Variants in VPS41 observed in about 807,000 individuals in gnomAD.
VPS41 encodes VPS41 subunit of HOPS complex, also known as vacuolar protein sorting-associated protein 41 homolog.
VPS41 carries 85 observed loss-of-function variants against 130.9 expected under a neutral mutation model. That is an observed-to-expected ratio of 0.65 (90% CI 0.55 to 0.78). The LOEUF (loss-of-function observed/expected upper bound fraction) is 0.78, where lower values mean the gene tolerates loss of function less well. Among genes scored for constraint, VPS41 ranks in the 30% least tolerant of loss-of-function variants. VPS41 has a pLI of 0.00. For synonymous variants in VPS41, 335 were observed against 332.9 expected (o/e 1.01, Z -0.07); for missense variants, 874 against 1,018.7 (o/e 0.86, Z 1.93).
intron 2 of VPS41, among the ~76,000 whole-genome samples, chr7:38,893,449 T>G (rs987353125): frequency 6.6e-6 from 1 of 152,254 alleles, no homozygotes; most frequent in East Asian, 1.9e-4. Flanking sequence ...CAATCATCCC[T>G]AAGTATTGAA....
At chr7:38,788,739 G>A (rs1784483253) in intron 10 of VPS41, among the ~76,000 whole-genome samples, 1 of 151,894 alleles carries the variant, frequency 6.6e-6, no homozygotes, top group Non-Finnish European at 1.5e-5. Flanking sequence ...TATACCTACT[G>A]TCCATACACT....
Position 38,726,036 on chromosome 7 carries a change from C to A in VPS41, c.*210G>T. Reference sequence around the variant, plus strand: ...AAATAACAAAATATTCACTATGGACCCCAAAATTTCAAGGCATGAAGAGAG... The same window carrying A: ...AAATAACAAAATATTCACTATGGACACCAAAATTTCAAGGCATGAAGAGAG... On this transcript the variant is annotated 3_prime_UTR_variant, in exon 29 of 29. Transcript: ENST00000310301. 1 of 520,332 alleles carries A rather than the reference C, an allele frequency of 1.9e-6. No individual in the cohort carries two copies. The highest frequency in any genetic ancestry group is 3.0e-5 in the South Asian group (1 of 32,890). The allele number at this position is 520,332 out of a possible 1,614,324, so 32.2% of individuals were successfully genotyped here. A position where few individuals can be genotyped will look rare whatever the true frequency, so the allele number is the denominator to read the frequency against.
At chr7:38,902,176 A>C (rs1787160004) in intron 1 of VPS41, among the ~76,000 whole-genome samples, 1 of 152,178 alleles carries the variant, frequency 6.6e-6, no homozygotes, top group Non-Finnish European at 1.5e-5. Flanking sequence ...CATCAGGATT[A>C]TCTTCCCAAA....
At chr7:38,858,177 G>A (rs1786026319) in intron 4 of VPS41, among the ~76,000 whole-genome samples, 1 of 152,194 alleles carries the variant, frequency 6.6e-6, no homozygotes, top group East Asian at 1.9e-4. Context: ...ATTCTCTACA[G>A]AATGTAAATT....
Position 38,803,817 on chromosome 7 carries a change from G to A in VPS41, c.451-6953C>T, listed in dbSNP as rs186957441. ...ATGAATGACCAGGAACCCATATGGA[G>A]CAGGTAAGTGTCTTTGTTTTGCTTC... On this transcript the variant is annotated intron_variant, in intron 7 of 28. Coordinates refer to ENST00000310301, the MANE Select transcript of VPS41 (RefSeq NM_014396.4). Among the ~76,000 whole-genome samples the A allele has an allele frequency of 3.7e-3, 567 of 152,338 alleles. 2 individuals are homozygous for A. The highest frequency in any genetic ancestry group is 6.6e-3 in the Non-Finnish European group (451 of 68,030).
chr7:38,830,198 C>T (rs964066494), intron 5 of VPS41, 56 bp downstream of exon 5: 13 of 1,120,110 alleles, frequency 1.2e-5, no homozygotes, highest in South Asian at 4.9e-5. Context: ...GGTGCTGTTC[C>T]GATCACCTGG....
chr7:38,880,705 A>G lies in VPS41; in HGVS notation c.61-11452T>C, dbSNP rs552169450. On this transcript the variant is annotated intron_variant, in intron 2 of 28. Coordinates refer to ENST00000310301, the MANE Select transcript of VPS41 (RefSeq NM_014396.4). ...ATGCCTGTGAATCTCTGTATTTAAA[A>G]ACGGCTGCACTGAAACTGAAATAGC... 2.0e-5 allele frequency among the ~76,000 whole-genome samples: 3 copies of G among 152,308 alleles called. No homozygotes were observed. In the East Asian group the frequency reaches 5.8e-4, roughly 29 times the overall value.
intron 25 of VPS41, among the ~76,000 whole-genome samples, chr7:38,737,265 A>C (rs1391305420): frequency 6.6e-6 from 1 of 152,020 alleles, no homozygotes; most frequent in Non-Finnish European, 1.5e-5. Flanking sequence ...CCAGCTACTC[A>C]GGAGGCTGAT....
At chr7:38,902,026 T>C (rs940109590) in intron 1 of VPS41, among the ~76,000 whole-genome samples, 7 of 152,182 alleles carry the variant, frequency 4.6e-5, no homozygotes, top group African/African-American at 1.2e-4. Flanking sequence ...GGGTAACGGA[T>C]TGACAGTTAA....
chr7:38,804,549 C>T (rs1453657452), intron 7 of VPS41, among the ~76,000 whole-genome samples: 1 of 152,204 alleles, frequency 6.6e-6, no homozygotes, highest in Non-Finnish European at 1.5e-5. Flanking sequence ...ACTGTATCAA[C>T]ATAAGGTAAC....
chr7:38,810,547 T>G (rs1784923965), intron 7 of VPS41, among the ~76,000 whole-genome samples: 1 of 152,206 alleles, frequency 6.6e-6, no homozygotes, highest in Admixed American at 6.5e-5. Context: ...CCTCTATTTT[T>G]CTACTTAGTT....
intron 1 of VPS41, among the ~76,000 whole-genome samples, chr7:38,904,244 T>C (rs1787206471): frequency 1.3e-5 from 2 of 152,188 alleles, no homozygotes; most frequent in Admixed American, 1.3e-4. Flanking sequence ...GGTGTTAATG[T>C]GGGCGCGGCG....
At chr7:38,900,337 T>C (rs1787113914) in intron 1 of VPS41, among the ~76,000 whole-genome samples, 1 of 152,160 alleles carries the variant, frequency 6.6e-6, no homozygotes, top group South Asian at 2.1e-4. Flanking sequence ...TTCTTACTTA[T>C]AAGTAGAAGC....
At chr7:38,743,215 A>G (rs1324473616) in intron 24 of VPS41, among the ~76,000 whole-genome samples, 187 bp downstream of exon 24, 1 of 152,218 alleles carries the variant, frequency 6.6e-6, no homozygotes, top group Non-Finnish European at 1.5e-5. Context: ...ATGCAAAGTG[A>G]TGAGGCTCCA....
intron 7 of VPS41, among the ~76,000 whole-genome samples, chr7:38,808,446 A>G (rs1784880307): frequency 6.6e-6 from 1 of 152,216 alleles, no homozygotes; most frequent in Non-Finnish European, 1.5e-5. Context: ...CATTGATGAC[A>G]GCATGAAATA....
At chr7:38,810,771 A>G (rs977181844) in intron 7 of VPS41, among the ~76,000 whole-genome samples, 1 of 152,170 alleles carries the variant, frequency 6.6e-6, no homozygotes, top group African/African-American at 2.4e-5. Flanking sequence ...CAGTTATCTG[A>G]CATATGTCTT....
Position 38,805,736 on chromosome 7 carries a change from T to C in VPS41, c.451-8872A>G, listed in dbSNP as rs534977761. Among the ~76,000 whole-genome samples, 78 of 152,306 alleles carry C rather than the reference T, an allele frequency of 5.1e-4. 1 individual carries two copies. In the South Asian group the frequency reaches 0.015, roughly 30 times the overall value. The stretch of plus-strand genomic sequence containing the variant: ...CATGGAAGTGGCAGAACTGATGGTT[T>C]TGGGGCAGACTCACATCTACATGGT... On this transcript the variant is annotated intron_variant, in intron 7 of 28. Coordinates refer to ENST00000310301, the MANE Select transcript of VPS41 (RefSeq NM_014396.4).
intron 16 of VPS41, 76 bp downstream of exon 16, chr7:38,765,504 C>T: frequency 1.0e-6 from 1 of 997,120 alleles, no homozygotes; most frequent in Non-Finnish European, 1.5e-6. Context: ...GAGCTGAGTA[C>T]TATTATCTTT....
At chr7:38,831,085 A>T (rs1437505316) in intron 4 of VPS41, 2 of 409,566 alleles carry the variant, frequency 4.9e-6, no homozygotes, top group East Asian at 1.4e-4. Context: ...CAACTTCTAT[A>T]GTCTTTGAAT....
Sources: gnomAD v4.1 joint callset for allele counts (sites outside exome capture counted in the v4.1 genomes callset) on GRCh38, gnomAD v4.1.1 for gene constraint, MANE v1.5 for transcripts, NCBI Gene and HGNC (gene_info 2026-07-23, HGNC 2026-07-21) for gene names.